The following ARID1B variants were observed in gnomAD, a reference collection of about 807,000 sequenced individuals.
ARID1B encodes AT-rich interactive domain-containing protein 1B.
A neutral mutation model predicts 212.3 loss-of-function variants in ARID1B; 30 were observed. That is an observed-to-expected ratio of 0.14 (90% CI 0.11 to 0.19). The LOEUF (loss-of-function observed/expected upper bound fraction) is 0.19, where lower values mean the gene tolerates loss of function less well. ARID1B is among the 10% of genes least tolerant of loss of function. The pLI is 1.00. For missense variants in ARID1B, 2,891 were observed against 3,204.0 expected (o/e 0.90, Z 2.36); for synonymous variants, 1,402 against 1,301.7 (o/e 1.08, Z -1.66).
chr6:157,054,346 C>G (rs1329813624), intron 4 of ARID1B, among the ~76,000 whole-genome samples: 2 of 152,200 alleles, frequency 1.3e-5, no homozygotes, highest in African/African-American at 4.8e-5. Flanking sequence ...AAACTATCTT[C>G]AATTTCCTTA....
chr6:157,167,314 T>A, intron 9 of ARID1B, 129 bp downstream of exon 9: 2 of 1,159,698 alleles, frequency 1.7e-6, no homozygotes, highest in South Asian at 3.5e-5. Flanking sequence ...TCATACTACT[T>A]TTCTGCTTCT....
chr6:156,943,267 G>A (rs2078147186), intron 4 of ARID1B: 1 of 152,132 alleles, frequency 6.6e-6, no homozygotes, highest in African/African-American at 2.4e-5. Flanking sequence ...GACTCAACAA[G>A]CCTTCAATTT....
chr6:156,892,892 T>C lies in ARID1B; in HGVS notation c.1987-8484T>C, dbSNP rs553204714. Among the ~76,000 whole-genome samples the C allele has an allele frequency of 2.0e-5, 3 of 152,196 alleles. No individual in the cohort carries two copies. In the East Asian group the frequency reaches 5.8e-4, roughly 29 times the overall value. ...GAAAGATCCAAAGCTGATGTGAAAA[T>C]TGTATAGAATAAAAACAATAAGTCT... On this transcript the variant is annotated intron_variant, in intron 2 of 19. Transcript: ENST00000636930.
At chr6:157,006,454 C>T (rs1385143277) in intron 4 of ARID1B, among the ~76,000 whole-genome samples, 1 of 152,156 alleles carries the variant, frequency 6.6e-6, no homozygotes, top group Non-Finnish European at 1.5e-5. Flanking sequence ...TAAAATATCA[C>T]TACAGTATAG....
intron 4 of ARID1B, among the ~76,000 whole-genome samples, chr6:157,046,590 T>C (rs1401679719): frequency 6.6e-6 from 1 of 152,210 alleles, no homozygotes; most frequent in Non-Finnish European, 1.5e-5. Flanking sequence ...TACAAGTGTT[T>C]TACCATTTGT....
At chr6:157,023,945 G>A (rs1163364322) in intron 4 of ARID1B, 3 of 152,182 alleles carry the variant, frequency 2.0e-5, no homozygotes, top group Non-Finnish European at 4.4e-5. Context: ...GTTATCTCAG[G>A]TTATTTATTC....
At chr6:157,080,082 A>G (rs912723072) in intron 4 of ARID1B, among the ~76,000 whole-genome samples, 5 of 152,188 alleles carry the variant, frequency 3.3e-5, no homozygotes, top group South Asian at 2.1e-4. Flanking sequence ...TGATTGAAAT[A>G]TCTTCTCTAT....
intron 5 of ARID1B, among the ~76,000 whole-genome samples, chr6:157,091,436 C>T (rs1785275861): frequency 6.6e-6 from 1 of 152,182 alleles, no homozygotes; most frequent in Non-Finnish European, 1.5e-5. Flanking sequence ...GCTGCAGATA[C>T]AAACAAGAAG....
chr6:156,981,033 T>A (rs1246129876), intron 4 of ARID1B, among the ~76,000 whole-genome samples: 1 of 152,198 alleles, frequency 6.6e-6, no homozygotes, highest in Non-Finnish European at 1.5e-5. Flanking sequence ...AAGCCACTGT[T>A]TTTGTTGGTT....
At chr6:157,149,887 G>A (rs1021426319) in intron 8 of ARID1B, 2 of 152,104 alleles carry the variant, frequency 1.3e-5, no homozygotes, top group African/African-American at 2.4e-5. Context: ...TGCTATCTGG[G>A]GAATGTGGGA....
At chr6:156,981,543 A>G (rs2128377875) in intron 4 of ARID1B, among the ~76,000 whole-genome samples, 1 of 152,220 alleles carries the variant, frequency 6.6e-6, no homozygotes, top group East Asian at 1.9e-4. Flanking sequence ...TCATTGCTAT[A>G]TATTATCTTT....
At chr6:157,059,119 G>A (rs11961696) in intron 4 of ARID1B, among the ~76,000 whole-genome samples, 57,058 of 151,252 alleles carry the variant, frequency 0.38, 11,672 homozygotes, top group African/African-American at 0.54. Flanking sequence ...TGTGGTATCT[G>A]TTGGCATGAG....
chr6:157,141,728 C>G (rs1045991190), intron 7 of ARID1B, among the ~76,000 whole-genome samples: 4 of 152,090 alleles, frequency 2.6e-5, no homozygotes, highest in African/African-American at 7.2e-5. Context: ...GAAATGAAAA[C>G]TAAAGCCACG....
At chr6:156,930,954 G>A (rs1373835145) in intron 3 of ARID1B, among the ~76,000 whole-genome samples, 1 of 152,126 alleles carries the variant, frequency 6.6e-6, no homozygotes, top group African/African-American at 2.4e-5. Flanking sequence ...ACTTTGGGAG[G>A]CCAAGGCGGG....
chr6:157,159,606 C>T (rs1442282325), intron 8 of ARID1B, among the ~76,000 whole-genome samples: 1 of 152,162 alleles, frequency 6.6e-6, no homozygotes, highest in Non-Finnish European at 1.5e-5. Flanking sequence ...AAGGGAAAAA[C>T]GTTTCTGATG....
At chr6:157,028,480 C>T (rs932573042) in intron 4 of ARID1B, among the ~76,000 whole-genome samples, 1 of 152,142 alleles carries the variant, frequency 6.6e-6, no homozygotes, top group Non-Finnish European at 1.5e-5. Flanking sequence ...GAAAGTACTA[C>T]CTGTTTTCAA....
At chr6:156,866,819 A>G (rs1261864799) in intron 2 of ARID1B, among the ~76,000 whole-genome samples, 1 of 152,258 alleles carries the variant, frequency 6.6e-6, no homozygotes, top group Non-Finnish European at 1.5e-5. Context: ...ATTAACAGCT[A>G]CAAGAACTGT....
intron 3 of ARID1B, among the ~76,000 whole-genome samples, chr6:156,934,877 A>G (rs1792032997): frequency 1.5e-5 from 2 of 133,400 alleles, no homozygotes; most frequent in South Asian, 2.5e-4. Flanking sequence ...CAAATACAGT[A>G]CTTGGTATGG....
intron 1 of ARID1B, among the ~76,000 whole-genome samples, chr6:156,815,728 G>A (rs934281173): frequency 2.0e-5 from 3 of 152,186 alleles, no homozygotes; most frequent in African/African-American, 7.2e-5. Flanking sequence ...AAGGATATAT[G>A]ACCAGCATAC....
Sources: gnomAD v4.1 joint callset for allele counts (sites outside exome capture counted in the v4.1 genomes callset) on GRCh38, gnomAD v4.1.1 for gene constraint, MANE v1.5 for transcripts, NCBI Gene and HGNC (gene_info 2026-07-23, HGNC 2026-07-21) for gene names.